Variants in CHAF1B observed in about 807,000 individuals in gnomAD.
CHAF1B encodes the protein chromatin assembly factor 1 subunit B.
CHAF1B carries 10 observed loss-of-function variants against 60.7 expected under a neutral mutation model. That is an observed-to-expected ratio of 0.16 (90% CI 0.10 to 0.28). CHAF1B has a LOEUF of 0.28. Among genes scored for constraint, CHAF1B ranks in the 10% least tolerant of loss-of-function variants. The pLI, the probability that CHAF1B is intolerant of heterozygous loss-of-function variation, is 1.00. For synonymous variants in CHAF1B, 261 were observed against 266.1 expected (o/e 0.98, Z 0.19); for missense variants, 558 against 708.4 (o/e 0.79, Z 2.41).
chr21:36,415,709 T>C, intron 13 of CHAF1B: 2 of 454,424 alleles, frequency 4.4e-6, no homozygotes, highest in Non-Finnish European at 8.1e-6. Flanking sequence ...ATGCGATGTT[T>C]AACAGCATCC....
chr21:36,387,515 C>A, intron 2 of CHAF1B, 83 bp from the exon 3 acceptor site: 1 of 1,538,810 alleles, frequency 6.5e-7, no homozygotes, highest in Non-Finnish European at 8.9e-7. Flanking sequence ...GCCACCACAC[C>A]CAGCCCATAG....
At chr21:36,412,812 G>A (rs182972886) in intron 11 of CHAF1B, 72 bp from the exon 12 acceptor site, 39 of 1,463,576 alleles carry the variant, frequency 2.7e-5, no homozygotes, top group South Asian at 2.7e-5. Context: ...GATTTTGCTC[G>A]AACTTCCCTC....
At chr21:36,402,676 G>A in intron 7 of CHAF1B, 82 bp from the exon 8 acceptor site, 4 of 1,155,648 alleles carry the variant, frequency 3.5e-6, no homozygotes, top group Non-Finnish European at 5.1e-6. Context: ...ATTTGTGAGT[G>A]TAAAGATTTG....
At chr21:36,415,547 G>A (rs562411924) in intron 13 of CHAF1B, among the ~76,000 whole-genome samples, 158 bp downstream of exon 13, 157 of 152,212 alleles carry the variant, frequency 1.0e-3, no homozygotes, top group Non-Finnish European at 1.9e-3. Context: ...GCCTGTTTAC[G>A]CCTCAGCAGG....
intron 8 of CHAF1B, among the ~76,000 whole-genome samples, chr21:36,407,127 C>A (rs1467429342): frequency 1.3e-5 from 2 of 151,954 alleles, no homozygotes; most frequent in East Asian, 3.9e-4. Flanking sequence ...CATGGCAAAA[C>A]CCTGTCTCTA....
chr21:36,395,332 G>T (rs1377678025), intron 5 of CHAF1B, among the ~76,000 whole-genome samples: 2 of 152,194 alleles, frequency 1.3e-5, no homozygotes, highest in Non-Finnish European at 1.5e-5. Context: ...ACAGGCATGA[G>T]CCACCACACC....
intron 10 of CHAF1B, 105 bp from the exon 11 acceptor site, chr21:36,411,358 C>A (rs2086276737): frequency 7.2e-7 from 1 of 1,380,178 alleles, no homozygotes; most frequent in African/African-American, 1.4e-5. Flanking sequence ...AAGTGATCCA[C>A]CCGGCTCGGC....
chr21:36,393,866 G>T (rs2086114728), intron 4 of CHAF1B, among the ~76,000 whole-genome samples: 2 of 151,964 alleles, frequency 1.3e-5, no homozygotes, highest in South Asian at 4.2e-4. Context: ...TTATATTTTT[G>T]ATAACTTGTC....
At chr21:36,415,760 T>G (rs1288504200) in intron 13 of CHAF1B, 1 of 421,520 alleles carries the variant, frequency 2.4e-6, no homozygotes, top group Non-Finnish European at 4.5e-6. Context: ...TTTTTTTTTT[T>G]TCTTTTTTTT....
rs1212660456 is a variant in CHAF1B, at chr21:36,386,172, C to A, written c.36C>A (p.Asn12Lys). Residue 12 changes from asparagine to lysine, a missense_variant, in exon 2 of 14, where the codon AAC becomes AAA. Asn to Lys is a moderately conservative substitution (Grantham distance 94). Transcript: ENST00000314103. The part of the protein sequence containing the change: ...KVITCEIAWH[N>K]KEPVYSLDFQ... The stretch of plus-strand genomic sequence containing the variant: ...TCACTTGTGAAATAGCCTGGCACAA[C>A]AAGGAGCCCGTGTACAGCCTGGACT... 1.2e-6 allele frequency: 2 copies of A among 1,614,060 alleles called. No homozygotes were observed. The highest frequency in any genetic ancestry group is 2.2e-5 in the East Asian group (1 of 44,886).
intron 8 of CHAF1B, among the ~76,000 whole-genome samples, chr21:36,406,371 C>T (rs569699689): frequency 6.6e-5 from 10 of 152,242 alleles, no homozygotes; most frequent in African/African-American, 2.4e-4. Context: ...CTGCAACCTC[C>T]ATCTCCTGAG....
At chr21:36,404,732 CTTTTTTTTTTTTTT>C (rs61593376) in intron 8 of CHAF1B, among the ~76,000 whole-genome samples, 2 of 50,548 alleles carry the variant, frequency 4.0e-5, no homozygotes, top group Admixed American at 3.7e-4. Flanking sequence ...TTGCGCTGGC[CTTTTTTTTTTTTTT>C]TTTTTTTTTT....
chr21:36,399,480 C>T (rs2086169041), intron 6 of CHAF1B, 41 bp from the exon 7 acceptor site: 1 of 1,524,172 alleles, frequency 6.6e-7, no homozygotes. Flanking sequence ...AAGCATAATT[C>T]ATTTACTAGA....
intron 1 of CHAF1B, 56 bp downstream of exon 1, chr21:36,385,507 G>C (rs2086023216): frequency 6.6e-6 from 1 of 151,894 alleles, no homozygotes; most frequent in Admixed American, 6.6e-5. Flanking sequence ...GTCGGTCCGG[G>C]CCAGAGGCCC....
intron 3 of CHAF1B, among the ~76,000 whole-genome samples, chr21:36,388,221 G>A (rs774421311): frequency 1.3e-5 from 2 of 152,138 alleles, no homozygotes; most frequent in Non-Finnish European, 2.9e-5. Context: ...GAGTCAGGGA[G>A]GGAGGACAGC....
intron 8 of CHAF1B, among the ~76,000 whole-genome samples, chr21:36,406,441 A>G (rs1263755357): frequency 6.6e-6 from 1 of 152,012 alleles, no homozygotes; most frequent in Non-Finnish European, 1.5e-5. Context: ...GCCGGCCACC[A>G]TGCCCAGCTA....
At chr21:36,404,002 C>T (rs971607737) in intron 8 of CHAF1B, among the ~76,000 whole-genome samples, 1 of 152,038 alleles carries the variant, frequency 6.6e-6, no homozygotes, top group African/African-American at 2.4e-5. Flanking sequence ...ACACTTTGGC[C>T]CAAGAAGTCT....
At chr21:36,407,672 G>T (rs1376245836) in intron 8 of CHAF1B, among the ~76,000 whole-genome samples, 1 of 151,968 alleles carries the variant, frequency 6.6e-6, no homozygotes, top group East Asian at 1.9e-4. Flanking sequence ...GGGGATGGAA[G>T]AATGGAGTGG....
At chr21:36,400,316 C>G (rs1274246840) in intron 7 of CHAF1B, among the ~76,000 whole-genome samples, 1 of 151,714 alleles carries the variant, frequency 6.6e-6, no homozygotes, top group African/African-American at 2.4e-5. Flanking sequence ...CCTGTCTCTA[C>G]AAAAAATATA....
Sources: gnomAD v4.1 joint callset for allele counts (sites outside exome capture counted in the v4.1 genomes callset) on GRCh38, gnomAD v4.1.1 for gene constraint, MANE v1.5 for transcripts, NCBI Gene and HGNC (gene_info 2026-07-23, HGNC 2026-07-21) for gene names.